The following B4GALT1 variants were observed in gnomAD, a reference collection of about 807,000 sequenced individuals.
B4GALT1 encodes beta-1,4-galactosyltransferase 1.
A neutral mutation model predicts 34.9 loss-of-function variants in B4GALT1; 16 were observed. The observed-to-expected ratio is 0.46, with a 90% CI of 0.31 to 0.70. The LOEUF (loss-of-function observed/expected upper bound fraction) is 0.70. Ranked by LOEUF, B4GALT1 falls within the 30% of genes least tolerant of loss-of-function variation. The pLI is 0.05. For synonymous variants in B4GALT1, 221 were observed against 218.1 expected, an observed-to-expected ratio of 1.01 and a Z score of -0.12; for missense variants, 445 against 530.5, an observed-to-expected ratio of 0.84 and a Z score of 1.58.
chr9:33,141,084 T>G (rs972974572), intron 1 of B4GALT1, among the ~76,000 whole-genome samples: 2 of 152,190 alleles, frequency 1.3e-5, no homozygotes, highest in African/African-American at 4.8e-5. Context: ...CCACTTCCCC[T>G]AAGCATTCAC....
the B4GALT1 span, among the ~76,000 whole-genome samples, chr9:33,181,760 T>A: frequency 6.6e-6 from 1 of 152,248 alleles, no homozygotes; most frequent in Non-Finnish European, 1.5e-5. Context: ...AAATGTTGAG[T>A]AAAAGGCTTT....
Position 33,112,267 on chromosome 9 carries a change from C to T in B4GALT1, c.*1187G>A, listed in dbSNP as rs935623998. The T allele has an allele frequency of 6.6e-6, 1 of 152,266 alleles. No homozygotes were observed. 9.4% of individuals were successfully genotyped at this position (152,266 alleles called of 1,614,324 possible). On this transcript the variant is annotated 3_prime_UTR_variant, in exon 6 of 6. Transcript: ENST00000379731. ...AACCTGACTGCTGTTATTTACAACCCCCCAGCCTAGGGGCCTGAGGGGTCA... is the reference window on the plus strand; with the variant it reads ...AACCTGACTGCTGTTATTTACAACCTCCCAGCCTAGGGGCCTGAGGGGTCA...
chr9:33,180,473 G>A, the B4GALT1 span, among the ~76,000 whole-genome samples: 1 of 152,166 alleles, frequency 6.6e-6, no homozygotes, highest in Non-Finnish European at 1.5e-5. Context: ...TGGAACAGTG[G>A]AAACATTCCT....
At chr9:33,141,946 A>C (rs1037282551) in intron 1 of B4GALT1, among the ~76,000 whole-genome samples, 3 of 152,106 alleles carry the variant, frequency 2.0e-5, no homozygotes, top group African/African-American at 7.2e-5. Flanking sequence ...TCAAAATCTA[A>C]CTCATGAAGG....
the B4GALT1 span, among the ~76,000 whole-genome samples, chr9:33,177,201 T>C: frequency 6.6e-6 from 1 of 152,188 alleles, no homozygotes. Context: ...GGCGGCAAGT[T>C]CAATTATTTT....
chr9:33,129,467 A>G (rs1840161554), intron 2 of B4GALT1, among the ~76,000 whole-genome samples: 2 of 152,178 alleles, frequency 1.3e-5, no homozygotes, highest in Non-Finnish European at 2.9e-5. Flanking sequence ...TTCACTTCCA[A>G]GAGGCACAGA....
At chr9:33,183,626 C>G in the B4GALT1 span, among the ~76,000 whole-genome samples, 1 of 90,664 alleles carries the variant, frequency 1.1e-5, no homozygotes, top group Admixed American at 1.6e-4. Flanking sequence ...ACACTCTGGA[C>G]TGTTGTGGGG....
intron 2 of B4GALT1, among the ~76,000 whole-genome samples, chr9:33,126,625 A>T (rs1840104743): frequency 6.6e-6 from 1 of 152,230 alleles, no homozygotes. Flanking sequence ...ACCATAGTTA[A>T]CCATTGTTAA....
chr9:33,144,451 G>T (rs1840397238), intron 1 of B4GALT1, among the ~76,000 whole-genome samples: 3 of 150,666 alleles, frequency 2.0e-5, no homozygotes, highest in Admixed American at 6.6e-5. Context: ...GGCCAGGCAG[G>T]ATGGTCTCGA....
At chr9:33,165,611 C>A (rs1840739240) in intron 1 of B4GALT1, among the ~76,000 whole-genome samples, 1 of 152,208 alleles carries the variant, frequency 6.6e-6, no homozygotes, top group African/African-American at 2.4e-5. Context: ...TATGTAGTAG[C>A]CAGGGCTCTG....
At chr9:33,177,989 T>TTTA in the B4GALT1 span, among the ~76,000 whole-genome samples, 1 of 147,214 alleles carries the variant, frequency 6.8e-6, no homozygotes, top group Non-Finnish European at 1.5e-5. Context: ...CAGAAGACTT[T>TTTA]TTTTTTTTTT....
chr9:33,158,686 T>C (rs189664652), intron 1 of B4GALT1, among the ~76,000 whole-genome samples: 16 of 152,288 alleles, frequency 1.1e-4, no homozygotes, highest in African/African-American at 3.9e-4. Flanking sequence ...AGGTCCTTCA[T>C]TCTGACTCTG....
chr9:33,166,795 C>A lies in B4GALT1; in HGVS notation c.375G>T (p.Leu125=). The A allele has an allele frequency of 6.5e-7, 1 of 1,529,676 alleles. No individual in the cohort carries two copies. 94.8% of individuals were successfully genotyped at this position (1,529,676 alleles called of 1,614,324 possible). A position where few individuals can be genotyped will look rare whatever the true frequency, so the allele number is the denominator to read the frequency against. The change falls in exon 1 of 6, where the codon CTG becomes CTT. Residue 125 remains leucine (L), a synonymous_variant. Transcript: ENST00000379731. Reference sequence around the variant, plus strand: ...ACTCCTCAGGGCAGGCGGGCAGCGACAGTGCGGTGGTGTGGGGCACTGGGA... The same window carrying A: ...ACTCCTCAGGGCAGGCGGGCAGCGAAAGTGCGGTGGTGTGGGGCACTGGGA... ...TSVPVPHTTA[L]SLPACPEESP...
intron 1 of B4GALT1, among the ~76,000 whole-genome samples, chr9:33,140,702 C>T (rs1840336323): frequency 6.6e-6 from 1 of 152,250 alleles, no homozygotes; most frequent in South Asian, 2.1e-4. Flanking sequence ...CCCCTCTTCA[C>T]AAATCAGCTC....
At chr9:33,123,651 T>C (rs772642164) in intron 2 of B4GALT1, among the ~76,000 whole-genome samples, 21 of 152,238 alleles carry the variant, frequency 1.4e-4, no homozygotes, top group South Asian at 6.2e-4. Flanking sequence ...TTTGAGGCCA[T>C]GTCTCTACCA....
At chr9:33,158,725 C>A (rs146281501) in intron 1 of B4GALT1, among the ~76,000 whole-genome samples, 3 of 152,286 alleles carry the variant, frequency 2.0e-5, no homozygotes, top group African/African-American at 7.2e-5. Context: ...CATTTGGCTC[C>A]CTGCACCTCC....
upstream of B4GALT1, among the ~76,000 whole-genome samples, chr9:33,168,952 GGT>G (rs1213997797): frequency 1.3e-5 from 2 of 152,140 alleles, no homozygotes; most frequent in African/African-American, 4.8e-5. Context: ...GAATCTAAAA[GGT>G]GTCCTTGATG....
chr9:33,155,683 C>T (rs1217840592), intron 1 of B4GALT1, among the ~76,000 whole-genome samples: 2 of 152,198 alleles, frequency 1.3e-5, no homozygotes, highest in Non-Finnish European at 2.9e-5. Context: ...GTGGTCAGAG[C>T]CTCACGCCTC....
At chr9:33,114,416 G>A (rs192026778) in intron 4 of B4GALT1, among the ~76,000 whole-genome samples, 265 of 152,334 alleles carry the variant, frequency 1.7e-3, no homozygotes, top group Non-Finnish European at 3.0e-3. Flanking sequence ...GGGGTAGGAC[G>A]TGGCAGGTGA....
Sources: allele counts gnomAD v4.1 joint callset (sites outside exome capture counted in the v4.1 genomes callset), GRCh38; gene constraint gnomAD v4.1.1; transcripts MANE v1.5; gene names NCBI Gene and HGNC (gene_info 2026-07-23, HGNC 2026-07-21).